Variants in DAB1 observed in about 807,000 individuals in gnomAD.
DAB1 encodes the protein disabled homolog 1.
A neutral mutation model predicts 64.6 loss-of-function variants in DAB1; 15 were observed. The ratio of observed to expected loss-of-function variants is 0.23; its 90% confidence interval spans 0.16 to 0.36. The LOEUF (loss-of-function observed/expected upper bound fraction) is 0.36, where lower values mean the gene tolerates loss of function less well. Ranked by LOEUF, DAB1 falls within the 10% of genes least tolerant of loss-of-function variation. The pLI is 1.00. For synonymous variants in DAB1, 235 were observed against 251.9 expected (o/e 0.93, Z 0.64); for missense variants, 596 against 706.7 (o/e 0.84, Z 1.78).
At chr1:57,872,255 G>C (rs1442721072) in intron 1 of DAB1, among the ~76,000 whole-genome samples, 2 of 152,162 alleles carry the variant, frequency 1.3e-5, no homozygotes, top group South Asian at 2.1e-4. Context: ...ATGGTATTAA[G>C]AGGCAGGGAC....
chr1:57,290,169 C>CA (rs989774399), intron 2 of DAB1, among the ~76,000 whole-genome samples: 23 of 151,802 alleles, frequency 1.5e-4, no homozygotes, highest in African/African-American at 5.1e-4. Flanking sequence ...ACATTTACAT[C>CA]AATTTTGGGA....
At chr1:57,457,099 C>T (rs762129023) in intron 7 of DAB1, among the ~76,000 whole-genome samples, 51 of 152,226 alleles carry the variant, frequency 3.4e-4, no homozygotes, top group Admixed American at 4.6e-4. Flanking sequence ...GACAAAGAAA[C>T]GAGGGATCCT....
At chr1:57,158,146 T>C (rs1032198026) in intron 2 of DAB1, among the ~76,000 whole-genome samples, 13 of 152,206 alleles carry the variant, frequency 8.5e-5, no homozygotes, top group Non-Finnish European at 1.3e-4. Context: ...AGGAATAATA[T>C]ATGTTATGCT....
chr1:58,274,970 A>C (rs624929), intron 4 of DAB1, among the ~76,000 whole-genome samples: 1 of 151,754 alleles, frequency 6.6e-6, no homozygotes, highest in African/African-American at 2.4e-5. Flanking sequence ...GGTCTTCTGC[A>C]TCGCTCACGC....
chr1:57,152,640 T>C (rs1050062258), intron 2 of DAB1, among the ~76,000 whole-genome samples: 9 of 152,260 alleles, frequency 5.9e-5, no homozygotes, highest in African/African-American at 2.2e-4. Context: ...AGCTGCTCAA[T>C]GAATGTTCAT....
At chr1:57,393,329 C>T (rs1682541695) in intron 1 of DAB1, among the ~76,000 whole-genome samples, 1 of 152,136 alleles carries the variant, frequency 6.6e-6, no homozygotes. Flanking sequence ...TTCACTTCAG[C>T]ATAGGGATCT....
intron 4 of DAB1, among the ~76,000 whole-genome samples, chr1:57,099,957 G>A (rs1045869314): frequency 4.6e-5 from 7 of 152,194 alleles, no homozygotes; most frequent in Non-Finnish European, 1.0e-4. Context: ...TATACAGGTT[G>A]TCCAGGCAAA....
chr1:57,511,207 C>T (rs1644401432), intron 7 of DAB1, among the ~76,000 whole-genome samples: 2 of 152,168 alleles, frequency 1.3e-5, no homozygotes, highest in African/African-American at 2.4e-5. Flanking sequence ...GTGCCCCTTC[C>T]ATGCATGAAA....
At chr1:57,923,920 C>T (rs776008214) in intron 5 of DAB1, among the ~76,000 whole-genome samples, 5 of 152,102 alleles carry the variant, frequency 3.3e-5, no homozygotes, top group South Asian at 2.1e-4. Flanking sequence ...ACAATCCAAG[C>T]GAAGTGAGAA....
At chr1:57,309,799 C>A (rs1307370426) in intron 1 of DAB1, among the ~76,000 whole-genome samples, 1 of 152,190 alleles carries the variant, frequency 6.6e-6, no homozygotes, top group East Asian at 1.9e-4. Flanking sequence ...GCCCTCCTGG[C>A]CCTTGTGGGA....
intron 1 of DAB1, among the ~76,000 whole-genome samples, chr1:57,828,916 G>T (rs1252073328): frequency 6.6e-6 from 1 of 152,180 alleles, no homozygotes; most frequent in Non-Finnish European, 1.5e-5. Flanking sequence ...AGCTCTGGTG[G>T]TAATATTATA....
chr1:57,715,944 CT>C (rs1647079090), intron 6 of DAB1, among the ~76,000 whole-genome samples: 1 of 152,048 alleles, frequency 6.6e-6, no homozygotes, highest in Non-Finnish European at 1.5e-5. Context: ...ACAGTCTTGC[CT>C]TGTTGCCCAG....
chr1:58,043,363 T>C lies in DAB1; in HGVS notation n.387+107148A>G, dbSNP rs531809113. Among the ~76,000 whole-genome samples the C allele has an allele frequency of 2.9e-3, 449 of 152,328 alleles. 3 individuals are homozygous for C. The highest frequency in any genetic ancestry group is 3.2e-3 in the Non-Finnish European group (217 of 68,030). ...TATAAAAAACAATTTGGATAATATA[T>C]TTCTTTCACTTCTAGTAGAATTTCA... On this transcript the variant is annotated intron_variant and non_coding_transcript_variant, in intron 5 of 20. Coordinates refer to the DAB1 transcript ENST00000485760.
intron 6 of DAB1, among the ~76,000 whole-genome samples, chr1:57,668,434 G>T (rs949774104): frequency 2.6e-5 from 4 of 152,024 alleles, no homozygotes; most frequent in African/African-American, 9.7e-5. Flanking sequence ...TGAAATATAG[G>T]ACACTATAGG....
intron 7 of DAB1, among the ~76,000 whole-genome samples, chr1:57,563,801 C>T (rs531152062): frequency 1.3e-5 from 2 of 152,314 alleles, no homozygotes; most frequent in East Asian, 3.9e-4. Flanking sequence ...GAAGCTCGAA[C>T]TAGGTGGAGC....
intron 4 of DAB1, among the ~76,000 whole-genome samples, chr1:58,308,845 T>C (rs1370936329): frequency 1.3e-5 from 2 of 152,150 alleles, no homozygotes; most frequent in Non-Finnish European, 2.9e-5. Flanking sequence ...CTTCCTGCAG[T>C]GAGACTCAGG....
At chr1:58,013,292 A>G (rs368959719) in intron 5 of DAB1, among the ~76,000 whole-genome samples, 1 of 152,270 alleles carries the variant, frequency 6.6e-6, no homozygotes, top group East Asian at 1.9e-4. Flanking sequence ...GGGCATGAGA[A>G]CTCCCAAGTG....
At chr1:57,508,346 T>A (rs1644369395) in intron 7 of DAB1, among the ~76,000 whole-genome samples, 1 of 152,200 alleles carries the variant, frequency 6.6e-6, no homozygotes, top group South Asian at 2.1e-4. Flanking sequence ...GAATAGTGCC[T>A]GACACACAAG....
intron 4 of DAB1, among the ~76,000 whole-genome samples, chr1:57,103,767 A>T (rs979552544): frequency 6.6e-6 from 1 of 152,186 alleles, no homozygotes; most frequent in Admixed American, 6.5e-5. Context: ...TGTATATTTT[A>T]AAAGGATTGC....
Sources: allele counts gnomAD v4.1 joint callset (sites outside exome capture counted in the v4.1 genomes callset), GRCh38; gene constraint gnomAD v4.1.1; transcripts MANE v1.5; gene names NCBI Gene and HGNC (gene_info 2026-07-23, HGNC 2026-07-21).